The following ROPN1L variants were observed in gnomAD, a reference collection of about 807,000 sequenced individuals.
The protein encoded by ROPN1L is ropporin-1-like protein.
In ROPN1L, 23 loss-of-function variants were observed where a neutral mutation model predicts 22.7. The observed-to-expected ratio is 1.01, with a 90% CI of 0.73 to 1.43. The LOEUF (loss-of-function observed/expected upper bound fraction) is 1.43, where lower values mean the gene tolerates loss of function less well. ROPN1L is among the 40% of genes most tolerant of loss of function. ROPN1L has a pLI of 0.00. For missense variants in ROPN1L, 271 were observed against 291.5 expected, an observed-to-expected ratio of 0.93 and a Z score of 0.51; for synonymous variants, 116 against 117.8, an observed-to-expected ratio of 0.98 and a Z score of 0.10.
At chr5:10,444,416 A>G (rs531263935) in intron 1 of ROPN1L, among the ~76,000 whole-genome samples, 1 of 152,036 alleles carries the variant, frequency 6.6e-6, no homozygotes, top group Admixed American at 6.5e-5. Flanking sequence ...TCAGCCTCCC[A>G]AGTAACTGGG....
At chr5:10,447,458 GCA>G (rs1280944371) in intron 1 of ROPN1L, among the ~76,000 whole-genome samples, 24 of 152,230 alleles carry the variant, frequency 1.6e-4, no homozygotes, top group African/African-American at 5.1e-4. Flanking sequence ...AGCCAGGCCA[GCA>G]CCTGCCATTC....
rs757945543 is a variant in ROPN1L, at chr5:10,448,388, G to T, written c.255+5G>T. 9.3e-6 allele frequency: 15 copies of T among 1,613,594 alleles called. No individual in the cohort carries two copies. The highest frequency in any genetic ancestry group is 3.3e-4 in the Middle Eastern group (2 of 6,034). On this transcript the variant is annotated splice_donor_5th_base_variant and intron_variant, in intron 2 of 4. Transcript: ENST00000274134. Reference sequence around the variant, plus strand: ...CTGAAAGTTTTGCACAAGCAGGTATGGGGGGGCGTAGTCTCTGGCCTCAGG... The same window carrying T: ...CTGAAAGTTTTGCACAAGCAGGTATTGGGGGGCGTAGTCTCTGGCCTCAGG...
Position 10,442,070 on chromosome 5 carries a change from C to T in ROPN1L, c.-98C>T. ...TGGGAGGCGGCCCTGGCCGCAAGCC[C>T]CGCGCTGCTAGCGGGTCCACCGCGT... On this transcript the variant is annotated 5_prime_UTR_variant, in exon 1 of 5. Transcript: ENST00000274134. 1 of 1,517,144 alleles carries T rather than the reference C, an allele frequency of 6.6e-7. No homozygotes were observed. Among genetic ancestry groups the T allele is most frequent in the Non-Finnish European group, 8.9e-7 (1 of 1,117,990 alleles). 94.0% of individuals were successfully genotyped at this position (1,517,144 alleles called of 1,614,324 possible). A position where few individuals can be genotyped will look rare whatever the true frequency, so the allele number is the denominator to read the frequency against.
the ROPN1L span, chr5:10,479,495 C>T: frequency 6.6e-6 from 1 of 152,242 alleles, no homozygotes; most frequent in Non-Finnish European, 1.5e-5. Context: ...TTCACACCCG[C>T]ACCCTCCTCT....
chr5:10,460,092 A>G (rs140231224), intron 3 of ROPN1L, among the ~76,000 whole-genome samples: 1 of 152,300 alleles, frequency 6.6e-6, no homozygotes, highest in Non-Finnish European at 1.5e-5. Flanking sequence ...GGAGGGTCCC[A>G]TAGGCCAGCT....
At position 10,442,275 on chromosome 5, in the gene ROPN1L, C is replaced by T. The variant is rs1458540940; in HGVS notation, c.108C>T (p.Ala36=). 3 of 1,613,430 alleles carry T rather than the reference C, an allele frequency of 1.9e-6. No individual in the cohort carries two copies. Among genetic ancestry groups the T allele is most frequent in the Middle Eastern group, 1.6e-4 (1 of 6,084 alleles). ...FTKAAIRTQP[A]DVLRWSAGYF... ...AGGCTGCCATCCGCACCCAGCCGGC[C>T]GACGTGCTGCGGTGGTCCGCGGGGT... The change falls in exon 1 of 5, where the codon GCC becomes GCT. Residue 36 remains alanine, a synonymous_variant. Transcript: ENST00000274134.
intron 1 of ROPN1L, among the ~76,000 whole-genome samples, chr5:10,445,160 G>T (rs1029521078): frequency 6.6e-6 from 1 of 151,752 alleles, no homozygotes; most frequent in Non-Finnish European, 1.5e-5. Flanking sequence ...TAGTAGAGAC[G>T]GGGGTTTCAC....
At chr5:10,443,739 G>A (rs2921161) in intron 1 of ROPN1L, among the ~76,000 whole-genome samples, 23,689 of 152,114 alleles carry the variant, frequency 0.16, 3,039 homozygotes, top group East Asian at 0.67. Flanking sequence ...TCTTTCCAGT[G>A]GTTCTCAGGA....
chr5:10,461,387 G>A, intron 4 of ROPN1L, 28 bp downstream of exon 4: 2 of 1,590,760 alleles, frequency 1.3e-6, no homozygotes, highest in Non-Finnish European at 1.7e-6. Context: ...CTAGGATTCA[G>A]GTATGTTGAC....
the ROPN1L span, among the ~76,000 whole-genome samples, chr5:10,480,818 C>T: frequency 1.3e-5 from 2 of 152,134 alleles, no homozygotes; most frequent in Non-Finnish European, 2.9e-5. Flanking sequence ...CTGGGGCTGA[C>T]AAATCCCCCT....
the ROPN1L span, chr5:10,479,480 C>T: frequency 2.6e-5 from 4 of 152,228 alleles, no homozygotes; most frequent in African/African-American, 9.7e-5. Context: ...ACACGGGCTG[C>T]AGAGTTCACA....
intron 3 of ROPN1L, among the ~76,000 whole-genome samples, chr5:10,452,315 C>G (rs7703061): frequency 0.75 from 93,313 of 124,824 alleles, 35,671 homozygotes; most frequent in Non-Finnish European, 0.86. Flanking sequence ...GTGTGTGTGT[C>G]TGTGTGTGTG....
intron 4 of ROPN1L, among the ~76,000 whole-genome samples, chr5:10,464,429 C>T (rs571848495): frequency 7.2e-5 from 11 of 152,256 alleles, no homozygotes; most frequent in Non-Finnish European, 1.3e-4. Flanking sequence ...GCCCGATCCG[C>T]GCACCTCTTC....
At chr5:10,449,122 G>A (rs192692800) in intron 2 of ROPN1L, among the ~76,000 whole-genome samples, 137 of 152,368 alleles carry the variant, frequency 9.0e-4, no homozygotes, top group Non-Finnish European at 1.6e-3. Flanking sequence ...ACTCTTGAAT[G>A]GTGTAGCTTG....
At chr5:10,475,997 G>A (rs1250472673), downstream of ROPN1L, among the ~76,000 whole-genome samples, 3 of 152,220 alleles carry the variant, frequency 2.0e-5, no homozygotes, top group Non-Finnish European at 4.4e-5. Context: ...TCATCTGCAT[G>A]GGTGCAGTTC....
chr5:10,475,285 C>T (rs1239565180), downstream of ROPN1L, among the ~76,000 whole-genome samples: 1 of 152,228 alleles, frequency 6.6e-6, no homozygotes, highest in Admixed American at 6.5e-5. Context: ...GTGTACCATT[C>T]CAGTCCTTGG....
intron 4 of ROPN1L, among the ~76,000 whole-genome samples, chr5:10,470,382 A>T (rs1169606457): frequency 6.6e-6 from 1 of 152,254 alleles, no homozygotes; most frequent in Non-Finnish European, 1.5e-5. Flanking sequence ...TAGAACTAAG[A>T]TGCCAGGGGC....
downstream of ROPN1L, among the ~76,000 whole-genome samples, chr5:10,476,875 A>T (rs1279877212): frequency 6.6e-6 from 1 of 152,270 alleles, no homozygotes; most frequent in African/African-American, 2.4e-5. Flanking sequence ...ATTTGTGTAA[A>T]GTCAAACAGC....
At chr5:10,443,552 G>A (rs1273949762) in intron 1 of ROPN1L, among the ~76,000 whole-genome samples, 1 of 151,852 alleles carries the variant, frequency 6.6e-6, no homozygotes, top group African/African-American at 2.4e-5. Flanking sequence ...AACCCGGGAA[G>A]CGGAGCTTGC....
Sources: gnomAD v4.1 joint callset for allele counts (sites outside exome capture counted in the v4.1 genomes callset) on GRCh38, gnomAD v4.1.1 for gene constraint, MANE v1.5 for transcripts, NCBI Gene and HGNC (gene_info 2026-07-23, HGNC 2026-07-21) for gene names.